Variants in ARHGAP42 observed in about 807,000 individuals in gnomAD.
ARHGAP42 encodes the protein rho GTPase-activating protein 42.
In ARHGAP42, 63 loss-of-function variants were observed where a neutral mutation model predicts 125.0. That is an observed-to-expected ratio of 0.50 (90% CI 0.41 to 0.62). ARHGAP42 has a LOEUF of 0.62. Among genes scored for constraint, ARHGAP42 ranks in the 20% least tolerant of loss-of-function variants. The pLI, the probability that ARHGAP42 is intolerant of heterozygous loss-of-function variation, is 0.00. For synonymous variants in ARHGAP42, 339 were observed against 351.0 expected, an observed-to-expected ratio of 0.97 and a Z score of 0.38; for missense variants, 766 against 1,024.2, an observed-to-expected ratio of 0.75 and a Z score of 3.44.
chr11:100,721,469 C>G (rs926491740), intron 1 of ARHGAP42, among the ~76,000 whole-genome samples: 1 of 140,548 alleles, frequency 7.1e-6, no homozygotes, highest in Non-Finnish European at 1.6e-5. Flanking sequence ...TAGCTTATTT[C>G]TTTTCTTTTC....
At chr11:100,925,708 G>A (rs1225635518) in intron 6 of ARHGAP42, among the ~76,000 whole-genome samples, 2 of 152,116 alleles carry the variant, frequency 1.3e-5, no homozygotes, top group African/African-American at 2.4e-5. Flanking sequence ...ACTGCTCTCC[G>A]GCCTAGGTGG....
At chr11:100,765,665 G>A (rs1862813494) in intron 1 of ARHGAP42, among the ~76,000 whole-genome samples, 1 of 152,158 alleles carries the variant, frequency 6.6e-6, no homozygotes, top group Non-Finnish European at 1.5e-5. Context: ...CTACTGGACT[G>A]TGCCCTTCAG....
At chr11:100,700,113 G>A (rs1007960884) in intron 1 of ARHGAP42, among the ~76,000 whole-genome samples, 68 of 152,308 alleles carry the variant, frequency 4.5e-4, no homozygotes, top group African/African-American at 1.5e-3. Flanking sequence ...AGTGAGTCAT[G>A]TAAATTTTTT....
At chr11:100,805,772 A>G (rs1364649534) in intron 3 of ARHGAP42, among the ~76,000 whole-genome samples, 1 of 152,132 alleles carries the variant, frequency 6.6e-6, no homozygotes, top group African/African-American at 2.4e-5. Context: ...CATAGCATTT[A>G]TAAACTGTCA....
intron 3 of ARHGAP42, among the ~76,000 whole-genome samples, chr11:100,810,592 A>G (rs990123688): frequency 3.9e-5 from 6 of 152,228 alleles, no homozygotes; most frequent in Non-Finnish European, 8.8e-5. Context: ...CTTGGTGGAA[A>G]AAAAACTGTG....
At chr11:100,688,506 A>G (rs948102406) in intron 1 of ARHGAP42, among the ~76,000 whole-genome samples, 21 of 152,142 alleles carry the variant, frequency 1.4e-4, no homozygotes, top group African/African-American at 4.3e-4. Context: ...GAATATAAAG[A>G]CTGTTATAGT....
intron 3 of ARHGAP42, chr11:100,816,570 A>G (rs2135068411): frequency 6.6e-6 from 1 of 152,382 alleles, no homozygotes; most frequent in Non-Finnish European, 1.5e-5. Flanking sequence ...TTAAGATGCT[A>G]AATGATTAAG....
intron 1 of ARHGAP42, among the ~76,000 whole-genome samples, chr11:100,751,773 CTTTTTTTT>C (rs757372755): frequency 5.9e-5 from 5 of 84,358 alleles, no homozygotes; most frequent in Non-Finnish European, 9.2e-5. Context: ...AGACAGGCAC[CTTTTTTTT>C]TTTTTTTTTT....
chr11:100,801,653 C>A (rs1863854292), intron 3 of ARHGAP42, among the ~76,000 whole-genome samples: 1 of 151,918 alleles, frequency 6.6e-6, no homozygotes. Context: ...CTGCTAAAGC[C>A]AACTAAAATG....
intron 6 of ARHGAP42, 51 bp from the exon 7 acceptor site, chr11:100,933,105 A>G (rs947167338): frequency 5.5e-5 from 68 of 1,247,552 alleles, no homozygotes; most frequent in Non-Finnish European, 7.2e-5. Flanking sequence ...ATATCATTAA[A>G]TGATCATTAA....
intron 6 of ARHGAP42, among the ~76,000 whole-genome samples, chr11:100,922,907 C>T (rs1867319612): frequency 6.6e-6 from 1 of 152,190 alleles, no homozygotes; most frequent in Non-Finnish European, 1.5e-5. Context: ...TGAAGACCAC[C>T]ACTCAGGCTC....
chr11:100,820,218 G>A (rs977996241), intron 3 of ARHGAP42, among the ~76,000 whole-genome samples: 4 of 152,014 alleles, frequency 2.6e-5, no homozygotes, highest in Admixed American at 1.3e-4. Context: ...TTGTACTTCT[G>A]TTTGAAGACT....
chr11:100,892,290 A>G (rs1422626783), intron 4 of ARHGAP42, among the ~76,000 whole-genome samples: 1 of 152,220 alleles, frequency 6.6e-6, no homozygotes, highest in Non-Finnish European at 1.5e-5. Flanking sequence ...TAGTTTAGCT[A>G]TTTTAAAGCC....
At chr11:100,957,350 A>G (rs1346039011) in intron 12 of ARHGAP42, among the ~76,000 whole-genome samples, 1 of 152,054 alleles carries the variant, frequency 6.6e-6, no homozygotes, top group African/African-American at 2.4e-5. Flanking sequence ...TTCCATTGTT[A>G]GGCACTCTTC....
chr11:100,970,389 C>T (rs1858208205), intron 17 of ARHGAP42, among the ~76,000 whole-genome samples: 1 of 152,060 alleles, frequency 6.6e-6, no homozygotes, highest in African/African-American at 2.4e-5. Context: ...TGGGACATGA[C>T]CACAGTCACC....
intron 2 of ARHGAP42, among the ~76,000 whole-genome samples, chr11:100,777,126 G>A (rs1469316697): frequency 6.6e-6 from 1 of 152,218 alleles, no homozygotes; most frequent in Non-Finnish European, 1.5e-5. Flanking sequence ...AGCATTGGCT[G>A]AGGTGCCCTG....
intron 4 of ARHGAP42, among the ~76,000 whole-genome samples, chr11:100,860,124 G>A (rs1865412892): frequency 6.6e-6 from 1 of 152,004 alleles, no homozygotes; most frequent in African/African-American, 2.4e-5. Context: ...AAATTTGCCT[G>A]TATCCTCATT....
rs755624335 is a variant in ARHGAP42, at chr11:100,949,903, C to T, written c.1123-14C>T. 6.9e-7 allele frequency: 1 copy of T among 1,445,808 alleles called. No homozygotes were observed. The allele number at this position is 1,445,808 out of a possible 1,614,324, so 89.6% of individuals were successfully genotyped here. Reference sequence around the variant, plus strand: ...TTAACTGGAAGTAACTAATGGACATCCTTTGTTTTTTAGATTTATACTCTG... The same window carrying T: ...TTAACTGGAAGTAACTAATGGACATTCTTTGTTTTTTAGATTTATACTCTG... On this transcript the variant is annotated splice_polypyrimidine_tract_variant and intron_variant, in intron 11 of 23. Transcript: ENST00000298815.
At chr11:100,709,768 G>C (rs1190221170) in intron 1 of ARHGAP42, among the ~76,000 whole-genome samples, 5 of 152,238 alleles carry the variant, frequency 3.3e-5, no homozygotes, top group Non-Finnish European at 7.3e-5. Flanking sequence ...CAAAATGTAA[G>C]TGAAACCAGA....
Sources: allele counts gnomAD v4.1 joint callset (sites outside exome capture counted in the v4.1 genomes callset), GRCh38; gene constraint gnomAD v4.1.1; transcripts MANE v1.5; gene names NCBI Gene and HGNC (gene_info 2026-07-23, HGNC 2026-07-21).